The following EMILIN2 variants were observed in gnomAD, a reference collection of about 807,000 sequenced individuals.
EMILIN2 encodes EMILIN-2.
EMILIN2 carries 71 observed loss-of-function variants against 87.1 expected under a neutral mutation model. That is an observed-to-expected ratio of 0.82 (90% confidence interval 0.67 to 0.99). EMILIN2 has a LOEUF of 0.99. Among genes scored for constraint, EMILIN2 ranks in the 50% least tolerant of loss-of-function variants. EMILIN2 has a pLI of 0.00. For missense variants in EMILIN2, 1,407 were observed against 1,371.8 expected, an observed-to-expected ratio of 1.03 and a Z score of -0.40; for synonymous variants, 581 against 563.4, an observed-to-expected ratio of 1.03 and a Z score of -0.44.
At chr18:2,870,160 G>A (rs553752284) in intron 2 of EMILIN2, among the ~76,000 whole-genome samples, 1 of 152,236 alleles carries the variant, frequency 6.6e-6, no homozygotes, top group Admixed American at 6.5e-5. Flanking sequence ...AGGATCGCTT[G>A]GGCTGGGGAG....
At chr18:2,898,059 G>T (rs751353783) in intron 4 of EMILIN2, among the ~76,000 whole-genome samples, 3 of 152,088 alleles carry the variant, frequency 2.0e-5, no homozygotes, top group Non-Finnish European at 4.4e-5. Flanking sequence ...AGATGGACTC[G>T]CTCCCATTTT....
intron 4 of EMILIN2, among the ~76,000 whole-genome samples, chr18:2,902,868 A>C (rs1046669424): frequency 6.6e-6 from 1 of 152,076 alleles, no homozygotes; most frequent in South Asian, 2.1e-4. Context: ...AGGAAGAGTG[A>C]AACAGGACTC....
At chr18:2,876,372 G>A (rs1341095011) in intron 2 of EMILIN2, among the ~76,000 whole-genome samples, 3 of 152,090 alleles carry the variant, frequency 2.0e-5, no homozygotes, top group Admixed American at 2.0e-4. Context: ...TTACAATTGT[G>A]ATTTCTCCAG....
At position 2,913,631 on chromosome 18, in the gene EMILIN2, T is replaced by G; in HGVS notation, c.*227T>G. 5 of 495,790 alleles carry G rather than the reference T, an allele frequency of 1.0e-5. No individual in the cohort carries two copies. Among genetic ancestry groups the G allele is most frequent in the South Asian group, 5.3e-5 (2 of 37,662 alleles). The allele number at this position is 495,790 out of a possible 1,614,324, so 30.7% of individuals were successfully genotyped here. On this transcript the variant is annotated 3_prime_UTR_variant, in exon 8 of 8. Transcript: ENST00000254528. ...CCACTGACTTTTCTGCCACTCTAAC[T>G]GGACAACTGGAAGACTTGGAAAGGC...
At position 2,915,765 on chromosome 18, in the gene EMILIN2, C is replaced by CG. The variant is rs2076965682; in HGVS notation, c.*2362dup. On this transcript the variant is annotated 3_prime_UTR_variant, in exon 8 of 8. Coordinates refer to ENST00000254528, the MANE Select transcript of EMILIN2 (RefSeq NM_032048.3). ...CGCGAACTCCTGAGCTCAGCCAATC[C>CG]GCCCACCTCGGCCTCCCAAAGTGCT... The CG allele has an allele frequency of 6.6e-6, 1 of 152,374 alleles. No homozygotes were observed. Among genetic ancestry groups the CG allele is most frequent in the African/African-American group, 2.4e-5 (1 of 41,524 alleles). 9.4% of individuals were successfully genotyped at this position (152,374 alleles called of 1,614,324 possible).
chr18:2,879,393 T>A (rs1381231979), intron 2 of EMILIN2, among the ~76,000 whole-genome samples: 1 of 152,140 alleles, frequency 6.6e-6, no homozygotes, highest in Non-Finnish European at 1.5e-5. Flanking sequence ...GCGCAGTAGC[T>A]CATGCTTGTA....
chr18:2,908,701 G>T (rs1035253142), intron 5 of EMILIN2, among the ~76,000 whole-genome samples: 1 of 152,162 alleles, frequency 6.6e-6, no homozygotes, highest in Non-Finnish European at 1.5e-5. Context: ...CAGCCAGCTT[G>T]CCCTCAGTGC....
rs1296471559 is a variant in EMILIN2, at chr18:2,890,457, G to C, written c.434-104G>C. 7.3e-7 allele frequency: 1 copy of C among 1,361,160 alleles called. No homozygotes were observed. 84.3% of individuals were successfully genotyped at this position (1,361,160 alleles called of 1,614,324 possible). A position where few individuals can be genotyped will look rare whatever the true frequency, so the allele number is the denominator to read the frequency against. On this transcript the variant is annotated intron_variant, in intron 3 of 7. Transcript: ENST00000254528. This position sits in a 1 kb window ranked among gnomAD's most constrained non-coding sequence, Gnocchi z 4.7. ...CCTACAATTGTGTAGTGACCTGTAA[G>C]TGAAGATGTACATGTATTTTGTAGG...
intron 2 of EMILIN2, among the ~76,000 whole-genome samples, chr18:2,872,830 G>A (rs780833870): frequency 1.3e-5 from 2 of 149,294 alleles, no homozygotes; most frequent in African/African-American, 2.5e-5. Context: ...AAACACATAG[G>A]GAATTATTTT....
chr18:2,899,371 G>C (rs1028812066), intron 4 of EMILIN2, among the ~76,000 whole-genome samples: 2 of 152,134 alleles, frequency 1.3e-5, no homozygotes, highest in Admixed American at 1.3e-4. Context: ...TTACGGACTC[G>C]ATTCTGTTCC....
In EMILIN2 at chr18:2,847,852, G is replaced by A; in HGVS notation, c.178G>A (p.Val60Met). Reference sequence around the variant, plus strand: ...CGTGAACAAGAATGTGAGCTGCTCCGTGCTGGAGGGAAGTGAGAGTTTTAT... The same window carrying A: ...CGTGAACAAGAATGTGAGCTGCTCCATGCTGGAGGGAAGTGAGAGTTTTAT... The part of the protein sequence containing the change: ...YIVNKNVSCS[V>M]LEGSESFIQA... The change falls in exon 2 of 8, where the codon GTG becomes ATG. Residue 60 changes from valine (V) to methionine (M), a missense_variant. By Grantham distance (21) the Val-to-Met change is conservative. Coordinates refer to ENST00000254528, the MANE Select transcript of EMILIN2 (RefSeq NM_032048.3). The surrounding 1 kb of genome is among the most constrained non-coding windows in gnomAD (Gnocchi z 4.5). 1 of 1,613,684 alleles carries A rather than the reference G, an allele frequency of 6.2e-7. No individual in the cohort carries two copies. The highest frequency in any genetic ancestry group is 8.5e-7 in the Non-Finnish European group (1 of 1,179,844).
chr18:2,855,776 G>A (rs117230655), intron 2 of EMILIN2, among the ~76,000 whole-genome samples: 174 of 152,312 alleles, frequency 1.1e-3, no homozygotes, highest in South Asian at 5.2e-3. Flanking sequence ...CTTTCCTCAC[G>A]TCTACATGAC....
intron 4 of EMILIN2, among the ~76,000 whole-genome samples, chr18:2,901,898 C>G (rs1048079687): frequency 6.6e-6 from 1 of 152,202 alleles, no homozygotes; most frequent in African/African-American, 2.4e-5. Flanking sequence ...GTCGCTTTTT[C>G]ATGACTGTCT....
intron 4 of EMILIN2, among the ~76,000 whole-genome samples, chr18:2,897,097 A>G (rs2076867292): frequency 6.6e-6 from 1 of 152,250 alleles, no homozygotes; most frequent in Admixed American, 6.5e-5. Flanking sequence ...GCGTATAAGC[A>G]AGGCAGAAGG....
In EMILIN2 at chr18:2,913,270, CTCA is replaced by C; in HGVS notation, c.3031_3033del (p.Ile1011del). On this transcript the variant is annotated inframe_deletion, in exon 8 of 8. Coordinates refer to ENST00000254528, the MANE Select transcript of EMILIN2 (RefSeq NM_032048.3). ...CTGCGGGGGCCCGGGGGCATTCCAC[CTCA>C]TCGTGCACCTGAAGGCGGGAGATGC... is the stretch of plus-strand genomic sequence containing the variant. The C allele has an allele frequency of 6.2e-7, 1 of 1,613,732 alleles. No individual in the cohort carries two copies. The highest frequency in any genetic ancestry group is 8.5e-7 in the Non-Finnish European group (1 of 1,179,726).
At chr18:2,873,127 G>A (rs952674849) in intron 2 of EMILIN2, among the ~76,000 whole-genome samples, 4 of 152,058 alleles carry the variant, frequency 2.6e-5, no homozygotes, top group Non-Finnish European at 5.9e-5. Flanking sequence ...CTTACAGGCC[G>A]GGGCCGGGCA....
chr18:2,894,818 A>G lies in EMILIN2; in HGVS notation c.2359+2332A>G, dbSNP rs1057461477. Among the ~76,000 whole-genome samples, 2 of 152,154 alleles carry G rather than the reference A, an allele frequency of 1.3e-5. No homozygotes were observed. Among genetic ancestry groups the G allele is most frequent in the Non-Finnish European group, 2.9e-5 (2 of 68,028 alleles). On this transcript the variant is annotated intron_variant, in intron 4 of 7. Coordinates refer to ENST00000254528, the MANE Select transcript of EMILIN2 (RefSeq NM_032048.3). The surrounding 1 kb of genome is among the most constrained non-coding windows in gnomAD (Gnocchi z 5.0). ...GGTCTAGGAGACCTGGAACCTGAGTATCAGAGGTGCATGGGAGAATCTGGA... is the reference window on the plus strand; with the variant it reads ...GGTCTAGGAGACCTGGAACCTGAGTGTCAGAGGTGCATGGGAGAATCTGGA...
In EMILIN2 at chr18:2,899,043, T is replaced by G. The variant is rs531702116; in HGVS notation, c.2359+6557T>G. On this transcript the variant is annotated intron_variant, in intron 4 of 7. Transcript: ENST00000254528. ...AGCTGCAGTGTTCGGAGAATGGAGC[T>G]TTCCCAGAGCTGCATGCATAAATGC... is the stretch of plus-strand genomic sequence containing the variant. 1.4e-4 allele frequency among the ~76,000 whole-genome samples: 21 copies of G among 151,750 alleles called. 1 individual carries two copies. In the East Asian group the frequency reaches 3.1e-3, roughly 22 times the overall value.
At chr18:2,873,702 A>C (rs1003682009) in intron 2 of EMILIN2, among the ~76,000 whole-genome samples, 2 of 150,270 alleles carry the variant, frequency 1.3e-5, no homozygotes, top group Admixed American at 6.7e-5. Context: ...GCAAGACTCC[A>C]TCTCAAAATA....
Sources: allele counts gnomAD v4.1 joint callset (sites outside exome capture counted in the v4.1 genomes callset), GRCh38; gene constraint gnomAD v4.1.1; non-coding constraint Gnocchi (gnomAD v3.1); transcripts MANE v1.5; gene names NCBI Gene and HGNC (gene_info 2026-07-23, HGNC 2026-07-21).